The following ST6GALNAC3 variants were observed in gnomAD, a reference collection of about 807,000 sequenced individuals.
ST6GALNAC3 encodes ST6 N-acetylgalactosaminide alpha-2,6-sialyltransferase 3, also known as alpha-N-acetylgalactosaminide alpha-2,6-sialyltransferase 3.
A neutral mutation model predicts 32.7 loss-of-function variants in ST6GALNAC3; 25 were observed. That is an observed-to-expected ratio of 0.76 (90% CI 0.56 to 1.07). ST6GALNAC3 has a LOEUF of 1.07. Among genes scored for constraint, ST6GALNAC3 ranks in the 50% least tolerant of loss-of-function variants. The pLI, the probability that ST6GALNAC3 is intolerant of heterozygous loss-of-function variation, is 0.00. For missense variants in ST6GALNAC3, 355 were observed against 382.4 expected (o/e 0.93, Z 0.60); for synonymous variants, 129 against 133.1 (o/e 0.97, Z 0.21).
rs181449659 is a variant in ST6GALNAC3 at position 76,204,196 on chromosome 1, C to T, written c.19-109609C>T. Among the ~76,000 whole-genome samples the T allele has an allele frequency of 1.4e-3, 212 of 152,266 alleles. 3 individuals are homozygous for T. Among genetic ancestry groups the T allele is most frequent in the African/African-American group, 4.9e-3 (205 of 41,550 alleles). ...TTATTTTACCTAACATAATGACCTC[C>T]ACTTCCATCAATGTGGCTGCAAATG... On this transcript the variant is annotated intron_variant, in intron 1 of 4. Transcript: ENST00000328299.
At position 76,628,726 on chromosome 1, in the gene ST6GALNAC3, A is replaced by G. The variant is rs753401603; in HGVS notation, c.838A>G (p.Ile280Val). Residue 280 changes from isoleucine to valine, a missense_variant, in exon 5 of 5, where the codon ATC becomes GTC. Coordinates refer to ENST00000328299, the MANE Select transcript of ST6GALNAC3 (RefSeq NM_152996.4). ...EHAPYGGHRF[I>V]TEKKVFAKWA... is the part of the protein sequence containing the mutation. ...TGCCCCATATGGGGGTCATAGGTTT[A>G]TCACTGAAAAGAAAGTGTTTGCTAA... is the stretch of plus-strand genomic sequence containing the variant. 1 of 1,612,568 alleles carries G rather than the reference A, an allele frequency of 6.2e-7. No homozygotes were observed. The highest frequency in any genetic ancestry group is 1.7e-5 in the Admixed American group (1 of 59,920).
At chr1:76,188,294 G>A (rs925946888) in intron 1 of ST6GALNAC3, among the ~76,000 whole-genome samples, 15 of 152,080 alleles carry the variant, frequency 9.9e-5, no homozygotes, top group African/African-American at 1.9e-4. Context: ...CCCGGAAGGC[G>A]GAGGTTGCAG....
At chr1:76,263,652 T>C (rs1658370066) in intron 1 of ST6GALNAC3, among the ~76,000 whole-genome samples, 1 of 152,198 alleles carries the variant, frequency 6.6e-6, no homozygotes, top group South Asian at 2.1e-4. Context: ...ATTGATTTGG[T>C]TTCTCAGCTC....
chr1:76,148,270 C>T (rs914270811), intron 1 of ST6GALNAC3, among the ~76,000 whole-genome samples: 3 of 152,084 alleles, frequency 2.0e-5, no homozygotes, highest in African/African-American at 7.2e-5. Context: ...TTTCTTTTTC[C>T]CTAAAAGGCA....
Position 76,337,495 on chromosome 1 carries a change from G to T in ST6GALNAC3, c.213+23496G>T, listed in dbSNP as rs574994340. ...AGTGTACCAGTGTCCTCCATTCGGG[G>T]GTGTCTTCTTCTTGGAAGGAGGACT... is the stretch of plus-strand genomic sequence containing the variant. On this transcript the variant is annotated intron_variant, in intron 2 of 4. Coordinates refer to ENST00000328299, the MANE Select transcript of ST6GALNAC3 (RefSeq NM_152996.4). 2.0e-5 allele frequency among the ~76,000 whole-genome samples: 3 copies of T among 152,166 alleles called. No individual in the cohort carries two copies. The South Asian group carries it at 6.2e-4, about 32-fold the overall frequency.
intron 1 of ST6GALNAC3, among the ~76,000 whole-genome samples, chr1:76,154,967 C>T (rs914425505): frequency 3.3e-5 from 5 of 152,152 alleles, no homozygotes; most frequent in Non-Finnish European, 5.9e-5. Context: ...TTACAAAACA[C>T]CTCTTGATTG....
intron 3 of ST6GALNAC3, among the ~76,000 whole-genome samples, chr1:76,486,105 C>G (rs998276686): frequency 2.0e-5 from 3 of 152,196 alleles, no homozygotes; most frequent in Non-Finnish European, 2.9e-5. Flanking sequence ...GTTATAATTT[C>G]TGTTCTTTTA....
intron 3 of ST6GALNAC3, among the ~76,000 whole-genome samples, chr1:76,480,892 C>T (rs1659681455): frequency 6.6e-6 from 1 of 151,910 alleles, no homozygotes; most frequent in Admixed American, 6.6e-5. Context: ...AAGCATCATT[C>T]CACTAGTTTC....
At chr1:76,531,034 A>T (rs1329797323) in intron 3 of ST6GALNAC3, among the ~76,000 whole-genome samples, 1 of 152,214 alleles carries the variant, frequency 6.6e-6, no homozygotes, top group Non-Finnish European at 1.5e-5. Flanking sequence ...ATCTAAGGCC[A>T]GTTGTTTAGA....
chr1:76,313,701 C>T lies in ST6GALNAC3; in HGVS notation c.19-104C>T, dbSNP rs376271705. ...AAATATGCTGAATGACAGAATCCTTCGACCCCTATGAAAGAAAAAGAGAAG... is the reference window on the plus strand; with the variant it reads ...AAATATGCTGAATGACAGAATCCTTTGACCCCTATGAAAGAAAAAGAGAAG... On this transcript the variant is annotated intron_variant, in intron 1 of 4. Transcript: ENST00000328299. The T allele has an allele frequency of 4.5e-5, 53 of 1,169,200 alleles. No homozygotes were observed. The Middle Eastern group carries it at 9.5e-4, about 21-fold the overall frequency. The allele number at this position is 1,169,200 out of a possible 1,614,324, so 72.4% of individuals were successfully genotyped here.
At chr1:76,375,204 C>T (rs554290235) in intron 2 of ST6GALNAC3, among the ~76,000 whole-genome samples, 1 of 152,230 alleles carries the variant, frequency 6.6e-6, no homozygotes, top group East Asian at 1.9e-4. Flanking sequence ...ATTAGAATAC[C>T]TTACTTCCAT....
intron 3 of ST6GALNAC3, among the ~76,000 whole-genome samples, chr1:76,505,734 C>T (rs1400663960): frequency 3.3e-5 from 5 of 152,154 alleles, no homozygotes; most frequent in Non-Finnish European, 1.5e-5. Flanking sequence ...TATTAAAACA[C>T]TGAAAATGGA....
intron 3 of ST6GALNAC3, among the ~76,000 whole-genome samples, chr1:76,533,376 T>A (rs536761578): frequency 2.0e-4 from 31 of 152,272 alleles, no homozygotes; most frequent in African/African-American, 7.0e-4. Flanking sequence ...TCCATACACA[T>A]GTGAACGTCC....
At chr1:76,577,914 G>A (rs950644850) in intron 3 of ST6GALNAC3, among the ~76,000 whole-genome samples, 16 of 152,004 alleles carry the variant, frequency 1.1e-4, no homozygotes, top group African/African-American at 3.1e-4. Flanking sequence ...TTAAGTAGAC[G>A]GTAAACATTT....
chr1:76,595,291 C>T (rs1421639443), intron 3 of ST6GALNAC3, among the ~76,000 whole-genome samples: 1 of 152,116 alleles, frequency 6.6e-6, no homozygotes, highest in East Asian at 1.9e-4. Flanking sequence ...AGGTCAGTTC[C>T]TGGTTAACAT....
chr1:76,218,654 C>T (rs995163087), intron 1 of ST6GALNAC3, among the ~76,000 whole-genome samples: 2 of 151,960 alleles, frequency 1.3e-5, no homozygotes, highest in African/African-American at 4.8e-5. Context: ...CTTTCCATGC[C>T]TCCCCTCTTT....
chr1:76,128,772 A>T (rs1300034964), intron 1 of ST6GALNAC3, among the ~76,000 whole-genome samples: 3 of 152,182 alleles, frequency 2.0e-5, no homozygotes, highest in Admixed American at 6.5e-5. Context: ...AAGAAAGATG[A>T]TCAGGCCTCC....
intron 1 of ST6GALNAC3, among the ~76,000 whole-genome samples, chr1:76,075,869 C>A (rs971009937): frequency 6.6e-6 from 1 of 152,182 alleles, no homozygotes; most frequent in Admixed American, 6.5e-5. Flanking sequence ...TACCAGGAAA[C>A]AATTCGTTGT....
chr1:76,596,053 G>A (rs188740915), intron 3 of ST6GALNAC3, among the ~76,000 whole-genome samples: 2 of 152,096 alleles, frequency 1.3e-5, no homozygotes, highest in Admixed American at 1.3e-4. Flanking sequence ...TGACTATAAT[G>A]CGCGGCCAAG....
Sources: allele counts gnomAD v4.1 joint callset (sites outside exome capture counted in the v4.1 genomes callset), GRCh38; gene constraint gnomAD v4.1.1; transcripts MANE v1.5; gene names NCBI Gene and HGNC (gene_info 2026-07-23, HGNC 2026-07-21).